Variants in TTC7B observed in about 807,000 individuals in gnomAD.
TTC7B encodes the protein tetratricopeptide repeat domain 7B.
A neutral mutation model predicts 106.8 loss-of-function variants in TTC7B; 28 were observed. The observed-to-expected ratio is 0.26, with a 90% CI of 0.19 to 0.36. TTC7B has a LOEUF of 0.36. Among genes scored for constraint, TTC7B ranks in the 10% least tolerant of loss-of-function variants. The pLI is 1.00. For synonymous variants in TTC7B, 405 were observed against 430.6 expected, an observed-to-expected ratio of 0.94 and a Z score of 0.74; for missense variants, 862 against 1,076.4, an observed-to-expected ratio of 0.80 and a Z score of 2.79.
chr14:90,581,572 C>T (rs1229320637), intron 18 of TTC7B, among the ~76,000 whole-genome samples: 1 of 152,164 alleles, frequency 6.6e-6, no homozygotes, highest in African/African-American at 2.4e-5. Flanking sequence ...TGGCTCCTGC[C>T]TCACTGCCAA....
chr14:90,607,279 C>T (rs999987636), intron 17 of TTC7B, among the ~76,000 whole-genome samples: 1 of 152,228 alleles, frequency 6.6e-6, no homozygotes, highest in African/African-American at 2.4e-5. Context: ...TGGGCCTGTG[C>T]CCCAGGGTTG....
intron 3 of TTC7B, among the ~76,000 whole-genome samples, chr14:90,755,732 C>T (rs1208170753): frequency 1.3e-5 from 2 of 152,154 alleles, no homozygotes; most frequent in Non-Finnish European, 2.9e-5. Context: ...GACCTGGATG[C>T]AAACCCTTGC....
chr14:90,593,729 C>G, intron 17 of TTC7B, 103 bp from the exon 18 acceptor site: 1 of 1,175,050 alleles, frequency 8.5e-7, no homozygotes, highest in Non-Finnish European at 1.1e-6. Flanking sequence ...CACCCCTTCC[C>G]CCATGATGTT....
At chr14:90,621,703 C>A (rs2139853561) in intron 15 of TTC7B, among the ~76,000 whole-genome samples, 1 of 152,338 alleles carries the variant, frequency 6.6e-6, no homozygotes, top group South Asian at 2.1e-4. Flanking sequence ...CCTTGGGATG[C>A]CCAAGGGAAA....
At chr14:90,553,946 C>T (rs1890195235) in intron 19 of TTC7B, among the ~76,000 whole-genome samples, 1 of 152,240 alleles carries the variant, frequency 6.6e-6, no homozygotes, top group Non-Finnish European at 1.5e-5. Context: ...TCTGGAGGAG[C>T]TTATTCTGCA....
At position 90,533,369 on chromosome 14, in the gene TTC7B, T is replaced by C; in HGVS notation, c.*7999A>G. ...ACCAGGCCCCTCACCTCCTCCTCCA[T>C]GCAGAGCGGGACTCGGACTCTGCCT... On this transcript the variant is annotated 3_prime_UTR_variant, in exon 20 of 20. Coordinates refer to ENST00000328459, the MANE Select transcript of TTC7B (RefSeq NM_001010854.2). 1 of 152,728 alleles carries C rather than the reference T, an allele frequency of 6.5e-6. No individual in the cohort carries two copies. The highest frequency in any genetic ancestry group is 1.5e-5 in the Non-Finnish European group (1 of 68,380). 9.5% of individuals were successfully genotyped at this position (152,728 alleles called of 1,614,324 possible).
chr14:90,668,403 T>C (rs916114731), intron 9 of TTC7B, among the ~76,000 whole-genome samples: 4 of 152,184 alleles, frequency 2.6e-5, no homozygotes, highest in Admixed American at 1.3e-4. Flanking sequence ...GAGCCAGAAT[T>C]TGAACACAGA....
chr14:90,804,162 C>A (rs187789909), intron 1 of TTC7B, among the ~76,000 whole-genome samples: 2,313 of 151,848 alleles, frequency 0.015, 18 homozygotes, highest in African/African-American at 0.025. Context: ...GGTGAAACCC[C>A]GTCTCTACTA....
rs1253194510 is a variant in TTC7B, at chr14:90,531,448, A to G, written c.*9920T>C. ...AAAATACAAAACAAAAAAACAAACA[A>G]AAAAAAAACAAAAAACAAAAATCAG... is the stretch of plus-strand genomic sequence containing the variant. On this transcript the variant is annotated 3_prime_UTR_variant, in exon 20 of 20. Transcript: ENST00000328459. 1 of 142,420 alleles carries G rather than the reference A, an allele frequency of 7.0e-6. No homozygotes were observed. The highest frequency in any genetic ancestry group is 1.6e-5 in the Non-Finnish European group (1 of 64,432). The allele number at this position is 142,420 out of a possible 1,614,324, so 8.8% of individuals were successfully genotyped here.
chr14:90,617,225 T>C (rs1318762074), intron 16 of TTC7B, among the ~76,000 whole-genome samples: 1 of 152,202 alleles, frequency 6.6e-6, no homozygotes, highest in African/African-American at 2.4e-5. Context: ...TGAATTTTGT[T>C]TGGGGGAGAG....
At chr14:90,781,847 C>T (rs1216747757) in intron 2 of TTC7B, among the ~76,000 whole-genome samples, 3 of 152,320 alleles carry the variant, frequency 2.0e-5, no homozygotes, top group East Asian at 1.9e-4. Flanking sequence ...GCCAGTCCCC[C>T]TCTCCCCAAA....
In TTC7B at chr14:90,802,721, G is replaced by C. The variant is rs2030351079; in HGVS notation, c.121+13454C>G. On this transcript the variant is annotated intron_variant, in intron 1 of 19. Transcript: ENST00000328459. The surrounding 1 kb of genome is among the most constrained non-coding windows in gnomAD (Gnocchi z 4.7). ...CCATTTGCAAGTAGTCAACAGGGTT[G>C]ACGGGTACTCCCCAGGGACGCTGCT... Among the ~76,000 whole-genome samples, 1 of 152,048 alleles carries C rather than the reference G, an allele frequency of 6.6e-6. No homozygotes were observed. The highest frequency in any genetic ancestry group is 2.1e-4 in the South Asian group (1 of 4,826).
chr14:90,589,592 T>G (rs536541065), intron 18 of TTC7B, among the ~76,000 whole-genome samples: 1 of 152,326 alleles, frequency 6.6e-6, no homozygotes, highest in East Asian at 1.9e-4. Flanking sequence ...AATCCGTGGG[T>G]GCAGAACCTG....
rs540837352 is a variant in TTC7B, at chr14:90,625,398, T to G, written c.1752-7353A>C. 1.1e-4 allele frequency among the ~76,000 whole-genome samples: 16 copies of G among 152,332 alleles called. No individual in the cohort carries two copies. The South Asian group carries it at 3.3e-3, about 32-fold the overall frequency. Reference sequence around the variant, plus strand: ...GGTTCCCATGTGGCTGGAAGGAAACTGATCGCAATTCATTTTCACCACCAT... The same window carrying G: ...GGTTCCCATGTGGCTGGAAGGAAACGGATCGCAATTCATTTTCACCACCAT... On this transcript the variant is annotated intron_variant, in intron 15 of 19. Transcript: ENST00000328459.
chr14:90,593,349 G>A (rs368125428), intron 18 of TTC7B, 137 bp downstream of exon 18: 29 of 1,279,820 alleles, frequency 2.3e-5, no homozygotes, highest in African/African-American at 1.5e-4. Flanking sequence ...GTGCATGGCC[G>A]TGAAGCTTTG....
intron 5 of TTC7B, among the ~76,000 whole-genome samples, chr14:90,701,796 GTATATA>G (rs138397501): frequency 0.033 from 3,965 of 118,892 alleles, 169 homozygotes; most frequent in African/African-American, 0.1. Flanking sequence ...GTGTGTGTGT[GTATATA>G]TATATATATA....
rs549021516 is a variant in TTC7B, at chr14:90,625,066, C to T, written c.1752-7021G>A. Among the ~76,000 whole-genome samples the T allele has an allele frequency of 3.3e-5, 5 of 152,180 alleles. No homozygotes were observed. The East Asian group carries it at 5.8e-4, about 18-fold the overall frequency. On this transcript the variant is annotated intron_variant, in intron 15 of 19. Transcript: ENST00000328459. The stretch of plus-strand genomic sequence containing the variant: ...GGAGTGAGGCTGGCTGTCAAATATC[C>T]GAAGGAAAGTGAGCATCTGTCACCA...
rs2030656617 is a variant in TTC7B, at chr14:90,807,073, C to T, written c.121+9102G>A. 6.6e-6 allele frequency among the ~76,000 whole-genome samples: 1 copy of T among 152,120 alleles called. No individual in the cohort carries two copies. ...CCCTTTGCTAAAATACCTCTATCTA[C>T]CTGAAAGACTACCGTTCCACTTGCC... On this transcript the variant is annotated intron_variant, in intron 1 of 19. Coordinates refer to ENST00000328459, the MANE Select transcript of TTC7B (RefSeq NM_001010854.2). This position sits in a 1 kb window ranked among gnomAD's most constrained non-coding sequence, Gnocchi z 4.1.
chr14:90,781,184 G>A (rs1467729386), intron 2 of TTC7B, among the ~76,000 whole-genome samples: 1 of 152,208 alleles, frequency 6.6e-6, no homozygotes, highest in African/African-American at 2.4e-5. Flanking sequence ...AAAACATGAT[G>A]CCAAGTGAAA....
Sources: gnomAD v4.1 joint callset for allele counts (sites outside exome capture counted in the v4.1 genomes callset) on GRCh38, gnomAD v4.1.1 for gene constraint, Gnocchi (gnomAD v3.1) non-coding constraint, MANE v1.5 for transcripts, NCBI Gene and HGNC (gene_info 2026-07-23, HGNC 2026-07-21) for gene names.